The following SYTL1 variants were observed in gnomAD, a reference collection of about 807,000 sequenced individuals.
The protein encoded by SYTL1 is synaptotagmin like 1.
A neutral mutation model predicts 74.6 loss-of-function variants in SYTL1; 53 were observed. The observed-to-expected ratio is 0.71, with a 90% confidence interval of 0.57 to 0.89. SYTL1 has a LOEUF of 0.89. Ranked by LOEUF, SYTL1 falls within the 40% of genes least tolerant of loss-of-function variation. The probability of loss-of-function intolerance (pLI) is 0.00; values close to 1 mark genes in which losing one functional copy is unlikely to be tolerated. For missense variants in SYTL1, 728 were observed against 768.7 expected, an observed-to-expected ratio of 0.95 and a Z score of 0.63; for synonymous variants, 329 against 324.9, an observed-to-expected ratio of 1.01 and a Z score of -0.14.
chr1:27,350,306 C>T lies in SYTL1; in HGVS notation c.909-83C>T. ...CTTAGCACGAGGCCTGGCACGTGTT[C>T]GGGATGGTGGCTGGGGGAGCCCACA... On this transcript the variant is annotated intron_variant, in intron 9 of 14. Coordinates refer to ENST00000616558, the MANE Select transcript of SYTL1 (RefSeq NM_001193308.2). This position sits in a 1 kb window ranked among gnomAD's most constrained non-coding sequence, Gnocchi z 6.3. 1 of 1,504,824 alleles carries T rather than the reference C, an allele frequency of 6.6e-7. No individual in the cohort carries two copies. The highest frequency in any genetic ancestry group is 9.3e-7 in the Non-Finnish European group (1 of 1,080,736). The allele number at this position is 1,504,824 out of a possible 1,614,324, so 93.2% of individuals were successfully genotyped here.
In SYTL1 at chr1:27,342,785, C is replaced by T. The variant is rs1052516217; in HGVS notation, c.-39+635C>T. Reference sequence around the variant, plus strand: ...GCAGACATGCCCACCAGACTCGGACCCACACAGCCACACAACAGGGCACAG... The same window carrying T: ...GCAGACATGCCCACCAGACTCGGACTCACACAGCCACACAACAGGGCACAG... On this transcript the variant is annotated intron_variant, in intron 1 of 14. Coordinates refer to ENST00000616558, the MANE Select transcript of SYTL1 (RefSeq NM_001193308.2). The surrounding 1 kb of genome is among the most constrained non-coding windows in gnomAD (Gnocchi z 4.7). Among the ~76,000 whole-genome samples, 5 of 152,124 alleles carry T rather than the reference C, an allele frequency of 3.3e-5. No individual in the cohort carries two copies. The highest frequency in any genetic ancestry group is 9.7e-5 in the African/African-American group (4 of 41,376).
Position 27,351,227 on chromosome 1 carries a change from C to G in SYTL1, c.1165-31C>G, listed in dbSNP as rs373249488. 3,235 of 1,549,188 alleles carry G rather than the reference C, an allele frequency of 2.1e-3. 5 individuals carry two copies. The highest frequency in any genetic ancestry group is 2.6e-3 in the Non-Finnish European group (3,005 of 1,147,216). On this transcript the variant is annotated intron_variant, in intron 11 of 14. Coordinates refer to ENST00000616558, the MANE Select transcript of SYTL1 (RefSeq NM_001193308.2). The surrounding 1 kb of genome is among the most constrained non-coding windows in gnomAD (Gnocchi z 5.0). ...CCTCCTGAGGCCCCTTTCCATTAGC[C>G]CCTGCTCCACGATAAGCCCGCCTCT... is the stretch of plus-strand genomic sequence containing the variant.
Position 27,350,934 on chromosome 1 carries a change from G to C in SYTL1, c.1146G>C (p.Trp382Cys). The change falls in exon 11 of 15, where the codon TGG (tryptophan) becomes TGC (cysteine). Residue 382 changes from tryptophan to cysteine, a missense_variant. By Grantham distance (215) the Trp-to-Cys change is radical (BLOSUM62 -2). Transcript: ENST00000616558. This position sits in a 1 kb window ranked among gnomAD's most constrained non-coding sequence, Gnocchi z 6.3. ...DTWDWGSEPT[W>C]LPLQPRVPPS... ...GGGACTGGGGCTCTGAGCCCACCTG[G>C]CTCCCCCTGCAGCCCCGGGTGAGGC... 2 of 1,613,114 alleles carry C rather than the reference G, an allele frequency of 1.2e-6. No individual in the cohort carries two copies. The highest frequency in any genetic ancestry group is 1.7e-6 in the Non-Finnish European group (2 of 1,179,846).
chr1:27,349,579 C>A, intron 7 of SYTL1, 73 bp from the exon 8 acceptor site: 2 of 1,512,816 alleles, frequency 1.3e-6, no homozygotes, highest in Non-Finnish European at 1.8e-6. Context: ...GGGCTGCGAG[C>A]CGCCCGCGAC....
rs576970217 is a variant in SYTL1, at chr1:27,343,608, G to T, written c.-39+1458G>T. Among the ~76,000 whole-genome samples, 1 of 152,248 alleles carries T rather than the reference G, an allele frequency of 6.6e-6. No homozygotes were observed. The highest frequency in any genetic ancestry group is 1.9e-4 in the East Asian group (1 of 5,178). On this transcript the variant is annotated intron_variant, in intron 1 of 14. Transcript: ENST00000616558. The surrounding 1 kb of genome is among the most constrained non-coding windows in gnomAD (Gnocchi z 5.2). ...AGCAGATGTGTGTGTGTGTACGTGT[G>T]TGTGTGTGTGTATCTGTCTGTCTAG...
At position 27,350,085 on chromosome 1, in the gene SYTL1, G is replaced by A. The variant is rs2015191997; in HGVS notation, c.861G>A (p.Val287=). 6.8e-7 allele frequency: 1 copy of A among 1,477,380 alleles called. No individual in the cohort carries two copies. Among genetic ancestry groups the A allele is most frequent in the Non-Finnish European group, 8.9e-7 (1 of 1,120,550 alleles). The allele number at this position is 1,477,380 out of a possible 1,614,324, so 91.5% of individuals were successfully genotyped here. The change falls in exon 9 of 15, where the codon GTG becomes GTA. Residue 287 remains valine (V), a synonymous_variant. Transcript: ENST00000616558. The surrounding 1 kb of genome is among the most constrained non-coding windows in gnomAD (Gnocchi z 6.3). ...GCGCCGCCGAGCTGCGCGTGCACGT[G>A]ATCCAGTGCCAGGGCCTGGCCGCCG... ...EPGAAELRVH[V]IQCQGLAAAR... is the part of the protein sequence containing the mutation.
rs1571042825 is a variant in SYTL1, at chr1:27,350,273, G to C, written c.909-116G>C. 1 of 1,489,936 alleles carries C rather than the reference G, an allele frequency of 6.7e-7. No homozygotes were observed. Among genetic ancestry groups the C allele is most frequent in the African/African-American group, 1.4e-5 (1 of 72,502 alleles). The allele number at this position is 1,489,936 out of a possible 1,614,324, so 92.3% of individuals were successfully genotyped here. A position where few individuals can be genotyped will look rare whatever the true frequency, so the allele number is the denominator to read the frequency against. On this transcript the variant is annotated intron_variant, in intron 9 of 14. Coordinates refer to ENST00000616558, the MANE Select transcript of SYTL1 (RefSeq NM_001193308.2). This position sits in a 1 kb window ranked among gnomAD's most constrained non-coding sequence, Gnocchi z 6.3. ...CGTGCGATTAAGCGAGACAATCCCT[G>C]TAAAGCGCTTAGCACGAGGCCTGGC...
At position 27,342,495 on chromosome 1, in the gene SYTL1, C is replaced by T. The variant is rs551262739; in HGVS notation, c.-39+345C>T. 10 of 230,184 alleles carry T rather than the reference C, an allele frequency of 4.3e-5. No individual in the cohort carries two copies. Among genetic ancestry groups the T allele is most frequent in the Middle Eastern group, 2.2e-3 (1 of 460 alleles). The allele number at this position is 230,184 out of a possible 1,614,324, so 14.3% of individuals were successfully genotyped here. A position where few individuals can be genotyped will look rare whatever the true frequency, so the allele number is the denominator to read the frequency against. Reference sequence around the variant, plus strand: ...AGGACAGAAATAGGCTCAGTTCTGCCGAACGTCCCCCCGGCCTCCATCCAC... The same window carrying T: ...AGGACAGAAATAGGCTCAGTTCTGCTGAACGTCCCCCCGGCCTCCATCCAC... On this transcript the variant is annotated intron_variant, in intron 1 of 14. Transcript: ENST00000616558. This position sits in a 1 kb window ranked among gnomAD's most constrained non-coding sequence, Gnocchi z 4.7.
Position 27,347,407 on chromosome 1 carries a change from C to A in SYTL1, c.192-14C>A, listed in dbSNP as rs1339334411. On this transcript the variant is annotated splice_polypyrimidine_tract_variant and intron_variant, in intron 2 of 14. Transcript: ENST00000616558. This position sits in a 1 kb window ranked among gnomAD's most constrained non-coding sequence, Gnocchi z 4.9. ...GGGTGAGTCATGACAGCCACACCCT[C>A]CCCCTTCCTCCAGCAAGCTCCGGGC... 2.5e-6 allele frequency: 4 copies of A among 1,613,830 alleles called. No homozygotes were observed. Among genetic ancestry groups the A allele is most frequent in the South Asian group, 1.1e-5 (1 of 91,086 alleles).
Position 27,349,472 on chromosome 1 carries a change from C to T in SYTL1, c.607C>T (p.Gln203Ter). The T allele has an allele frequency of 6.9e-7, 1 of 1,454,812 alleles. No individual in the cohort carries two copies. The highest frequency in any genetic ancestry group is 9.1e-7 in the Non-Finnish European group (1 of 1,103,296). The allele number at this position is 1,454,812 out of a possible 1,614,324, so 90.1% of individuals were successfully genotyped here. A position where few individuals can be genotyped will look rare whatever the true frequency, so the allele number is the denominator to read the frequency against. ...PELEPASGGE[Q>*]EPRPQQAQTK... ...GCTGGAGCCCGCGTCGGGGGGAGAG[C>T]AGGAGCCGCGGCCCCAGCAAGCCCA... The change falls in exon 7 of 15, where the codon CAG becomes TAG. Residue 203 changes from glutamine to a stop codon, truncating the protein, a stop_gained. Coordinates refer to ENST00000616558, the MANE Select transcript of SYTL1 (RefSeq NM_001193308.2). LOFTEE classifies it high-confidence loss of function.
chr1:27,351,225 G>A lies in SYTL1; in HGVS notation c.1165-33G>A, dbSNP rs751068179. The A allele has an allele frequency of 1.9e-6, 3 of 1,548,428 alleles. No homozygotes were observed. Among genetic ancestry groups the A allele is most frequent in the African/African-American group, 2.7e-5 (2 of 72,976 alleles). On this transcript the variant is annotated intron_variant, in intron 11 of 14. Transcript: ENST00000616558. This position sits in a 1 kb window ranked among gnomAD's most constrained non-coding sequence, Gnocchi z 5.0. ...ACCCTCCTGAGGCCCCTTTCCATTA[G>A]CCCCTGCTCCACGATAAGCCCGCCT...
chr1:27,344,114 A>T (rs2014894236), intron 1 of SYTL1, among the ~76,000 whole-genome samples: 1 of 142,676 alleles, frequency 7.0e-6, no homozygotes, highest in Admixed American at 6.9e-5. Flanking sequence ...TGTTCTTTTC[A>T]TTTTTTTTGG....
Position 27,350,808 on chromosome 1 carries a change from G to A in SYTL1, c.1020G>A (p.Gln340=). The A allele has an allele frequency of 6.2e-7, 1 of 1,613,814 alleles. No homozygotes were observed. Among genetic ancestry groups the A allele is most frequent in the Non-Finnish European group, 8.5e-7 (1 of 1,180,034 alleles). The stretch of plus-strand genomic sequence containing the variant: ...CCTGTCCTCAGTACTCCGTCCCGCA[G>A]GCCGAGCTTCAGGGCCGCGTGCTGA... ...FNETLRYSVP[Q]AELQGRVLSL... Residue 340 remains glutamine, a synonymous_variant, in exon 11 of 15, where the codon CAG becomes CAA. Coordinates refer to ENST00000616558, the MANE Select transcript of SYTL1 (RefSeq NM_001193308.2). The surrounding 1 kb of genome is among the most constrained non-coding windows in gnomAD (Gnocchi z 6.3).
rs2015061509 is a variant in SYTL1 at position 27,347,712 on chromosome 1, G to A, written c.341-96G>A. 1.3e-6 allele frequency: 2 copies of A among 1,502,932 alleles called. No homozygotes were observed. The highest frequency in any genetic ancestry group is 1.3e-5 in the South Asian group (1 of 78,570). 93.1% of individuals were successfully genotyped at this position (1,502,932 alleles called of 1,614,324 possible). ...CTTTCAGTGGGCAATGCCCCTCCGTGGGCATGGGGTGGGTGGGTATCTCCC... is the reference window on the plus strand; with the variant it reads ...CTTTCAGTGGGCAATGCCCCTCCGTAGGCATGGGGTGGGTGGGTATCTCCC... On this transcript the variant is annotated intron_variant, in intron 3 of 14. Transcript: ENST00000616558. This position sits in a 1 kb window ranked among gnomAD's most constrained non-coding sequence, Gnocchi z 4.9.
rs1381287070 is a variant in SYTL1 at position 27,347,589 on chromosome 1, G to A, written c.340+20G>A. The A allele has an allele frequency of 8.7e-6, 14 of 1,612,182 alleles. No homozygotes were observed. Among genetic ancestry groups the A allele is most frequent in the East Asian group, 2.2e-5 (1 of 44,904 alleles). On this transcript the variant is annotated intron_variant, in intron 3 of 14. Coordinates refer to ENST00000616558, the MANE Select transcript of SYTL1 (RefSeq NM_001193308.2). The surrounding 1 kb of genome is among the most constrained non-coding windows in gnomAD (Gnocchi z 4.9). The stretch of plus-strand genomic sequence containing the variant: ...CCAGGGGTGAGAGGAGATCCTCGGG[G>A]CAGGGCAAGCCATGTGCCGTCCAGG...
At chr1:27,353,021 G>T in intron 13 of SYTL1, 1 of 467,872 alleles carries the variant, frequency 2.1e-6, no homozygotes. Context: ...TCTGACCTCA[G>T]GTGATCCACC....
chr1:27,346,269 G>A (rs1317199352), intron 2 of SYTL1, among the ~76,000 whole-genome samples: 6 of 152,172 alleles, frequency 3.9e-5, no homozygotes, highest in Non-Finnish European at 7.3e-5. Flanking sequence ...GTGCTCCCCA[G>A]TCCCTGAACC....
Position 27,348,977 on chromosome 1 carries a change from TG to T in SYTL1, c.460-99del. The T allele has an allele frequency of 1.1e-6, 1 of 913,394 alleles. No homozygotes were observed. The highest frequency in any genetic ancestry group is 1.7e-6 in the Non-Finnish European group (1 of 591,806). 56.6% of individuals were successfully genotyped at this position (913,394 alleles called of 1,614,324 possible). A position where few individuals can be genotyped will look rare whatever the true frequency, so the allele number is the denominator to read the frequency against. The stretch of plus-strand genomic sequence containing the variant: ...CGGAGGGCTGCCCTAAACCTGAAAC[TG>T]GGGTAGCTGGCTGGAGCCCTATGAC... On this transcript the variant is annotated intron_variant, in intron 5 of 14. Coordinates refer to ENST00000616558, the MANE Select transcript of SYTL1 (RefSeq NM_001193308.2). The surrounding 1 kb of genome is among the most constrained non-coding windows in gnomAD (Gnocchi z 4.1).
chr1:27,346,547 G>A (rs1418197588), intron 2 of SYTL1, among the ~76,000 whole-genome samples: 1 of 152,126 alleles, frequency 6.6e-6, no homozygotes, highest in Non-Finnish European at 1.5e-5. Context: ...AGGATTGCTT[G>A]AGCCCAGGAA....
Sources: allele counts gnomAD v4.1 joint callset (sites outside exome capture counted in the v4.1 genomes callset), GRCh38; gene constraint gnomAD v4.1.1; non-coding constraint Gnocchi (gnomAD v3.1); transcripts MANE v1.5; gene names NCBI Gene and HGNC (gene_info 2026-07-23, HGNC 2026-07-21).